The following SLC13A1 variants were observed in gnomAD, a reference collection of about 807,000 sequenced individuals.
SLC13A1 encodes the protein solute carrier family 13 member 1, also known as Na(+)/sulfate cotransporter.
Under a neutral mutation model 70.0 loss-of-function variants are expected in SLC13A1, and 65 were observed. That is an observed-to-expected ratio of 0.93 (90% CI 0.76 to 1.14). SLC13A1 has a LOEUF of 1.14. Among genes scored for constraint, SLC13A1 ranks in the 50% most tolerant of loss-of-function variants. SLC13A1 has a pLI of 0.00. For synonymous variants in SLC13A1, 275 were observed against 250.5 expected (o/e 1.10, Z -0.92); for missense variants, 726 against 717.8 (o/e 1.01, Z -0.13).
intron 1 of SLC13A1, among the ~76,000 whole-genome samples, chr7:123,197,984 A>G (rs1403723223): frequency 2.6e-5 from 4 of 152,124 alleles, no homozygotes; most frequent in Non-Finnish European, 5.9e-5. Flanking sequence ...GTAATGACCT[A>G]AATTTGTCTT....
chr7:123,141,530 G>T (rs1386589738), intron 7 of SLC13A1, among the ~76,000 whole-genome samples: 1 of 151,920 alleles, frequency 6.6e-6, no homozygotes, highest in Non-Finnish European at 1.5e-5. Context: ...AGCTATTATT[G>T]TATTGAGGTC....
intron 6 of SLC13A1, among the ~76,000 whole-genome samples, chr7:123,156,137 A>G (rs1437760001): frequency 1.3e-5 from 2 of 152,038 alleles, no homozygotes; most frequent in Non-Finnish European, 2.9e-5. Context: ...GGCTTTTTTC[A>G]TTACCGATTT....
intron 7 of SLC13A1, among the ~76,000 whole-genome samples, chr7:123,144,655 C>A (rs1794289274): frequency 6.6e-6 from 1 of 152,072 alleles, no homozygotes; most frequent in Non-Finnish European, 1.5e-5. Flanking sequence ...GGAGTACAAA[C>A]TTTATGTTTT....
chr7:123,178,033 C>CTCTCTCTCTATATATATATATATATA (rs761704605), intron 2 of SLC13A1, among the ~76,000 whole-genome samples: 1 of 149,958 alleles, frequency 6.7e-6, no homozygotes, highest in African/African-American at 2.5e-5. Flanking sequence ...CTCTCTCTCT[C>CTCTCTCTCTATATATATATATATATA]TATATATATA....
intron 8 of SLC13A1, among the ~76,000 whole-genome samples, chr7:123,130,225 A>G (rs1249964276): frequency 6.6e-6 from 1 of 152,192 alleles, no homozygotes. Context: ...TATATACCCA[A>G]AGGAATATAA....
At chr7:123,148,900 G>T (rs950985932) in intron 6 of SLC13A1, among the ~76,000 whole-genome samples, 2 of 152,086 alleles carry the variant, frequency 1.3e-5, no homozygotes, top group East Asian at 3.9e-4. Flanking sequence ...GGAGAGGAGT[G>T]GTAAGGATTA....
intron 1 of SLC13A1, among the ~76,000 whole-genome samples, chr7:123,199,414 G>C (rs1262054356): frequency 6.6e-6 from 1 of 152,060 alleles, no homozygotes; most frequent in African/African-American, 2.4e-5. Context: ...ACAGAGCTGA[G>C]AAGTAAATTA....
intron 8 of SLC13A1, among the ~76,000 whole-genome samples, chr7:123,130,870 C>A (rs762649359): frequency 6.6e-6 from 1 of 152,044 alleles, no homozygotes; most frequent in Non-Finnish European, 1.5e-5. Context: ...GTTTTAGTGA[C>A]CTCCTTCCTC....
At chr7:123,180,675 G>A (rs1043526867) in intron 2 of SLC13A1, among the ~76,000 whole-genome samples, 2 of 152,076 alleles carry the variant, frequency 1.3e-5, no homozygotes, top group Non-Finnish European at 2.9e-5. Flanking sequence ...GCTTATGGAG[G>A]ATGTCAACAA....
chr7:123,122,145 C>T (rs1176355482), intron 12 of SLC13A1, among the ~76,000 whole-genome samples: 1 of 152,044 alleles, frequency 6.6e-6, no homozygotes, highest in Non-Finnish European at 1.5e-5. Flanking sequence ...AGGATCCAAT[C>T]CAGACACATA....
intron 6 of SLC13A1, chr7:123,148,378 C>T (rs2116425592): frequency 2.8e-6 from 1 of 357,740 alleles, no homozygotes; most frequent in African/African-American, 2.2e-5. Flanking sequence ...AGTTCTCCAC[C>T]TCAGTCACCC....
intron 4 of SLC13A1, among the ~76,000 whole-genome samples, 177 bp downstream of exon 4, chr7:123,168,971 A>C (rs1016872790): frequency 1.3e-5 from 2 of 152,228 alleles, no homozygotes; most frequent in Non-Finnish European, 2.9e-5. Context: ...GTAACAATTT[A>C]GGTAAAATAT....
chr7:123,186,367 A>G (rs1325513944), intron 1 of SLC13A1, among the ~76,000 whole-genome samples: 1 of 152,066 alleles, frequency 6.6e-6, no homozygotes, highest in East Asian at 1.9e-4. Flanking sequence ...CTAAAAAGAG[A>G]TCCTAGATAT....
intron 7 of SLC13A1, among the ~76,000 whole-genome samples, chr7:123,136,129 G>A (rs1793941434): frequency 1.3e-5 from 2 of 152,116 alleles, no homozygotes; most frequent in Non-Finnish European, 2.9e-5. Flanking sequence ...ATGTCCTCAA[G>A]CCTAATTTCA....
Position 123,128,916 on chromosome 7 carries a change from G to A in SLC13A1, c.1062C>T (p.Phe354=). 1 of 1,613,370 alleles carries A rather than the reference G, an allele frequency of 6.2e-7. No homozygotes were observed. The highest frequency in any genetic ancestry group is 1.3e-5 in the African/African-American group (1 of 75,006). ...TAAACCATAGCAGAGCCATTATAATGAAGAGGACCAAGGTCACAATTTCTT... is the reference window on the plus strand; with the variant it reads ...TAAACCATAGCAGAGCCATTATAATAAAGAGGACCAAGGTCACAATTTCTT... ...RYQEIVTLVL[F]IIMALLWFSR... The change falls in exon 10 of 15, where the codon TTC becomes TTT. Residue 354 remains phenylalanine (F), a synonymous_variant. Coordinates refer to ENST00000194130, the MANE Select transcript of SLC13A1 (RefSeq NM_022444.4).
intron 1 of SLC13A1, among the ~76,000 whole-genome samples, chr7:123,197,723 G>T (rs1796230854): frequency 6.6e-6 from 1 of 152,092 alleles, no homozygotes; most frequent in Non-Finnish European, 1.5e-5. Context: ...ATGCAACTTG[G>T]TGCCAGACAC....
chr7:123,181,443 C>T (rs1421352096), intron 1 of SLC13A1, among the ~76,000 whole-genome samples: 1 of 152,158 alleles, frequency 6.6e-6, no homozygotes, highest in Non-Finnish European at 1.5e-5. Context: ...CTCCCCCATA[C>T]TTCCAGAGTA....
intron 6 of SLC13A1, among the ~76,000 whole-genome samples, chr7:123,167,478 A>G (rs1795114411): frequency 6.6e-6 from 1 of 152,102 alleles, no homozygotes; most frequent in Non-Finnish European, 1.5e-5. Context: ...TCTTTTTCCT[A>G]TTGAACTGCC....
intron 8 of SLC13A1, among the ~76,000 whole-genome samples, chr7:123,130,323 A>G (rs1449116390): frequency 6.6e-6 from 1 of 152,222 alleles, no homozygotes; most frequent in Admixed American, 6.5e-5. Context: ...CCAAATTCCC[A>G]TCAATGATAG....
Sources: gnomAD v4.1 joint callset for allele counts (sites outside exome capture counted in the v4.1 genomes callset) on GRCh38, gnomAD v4.1.1 for gene constraint, MANE v1.5 for transcripts, NCBI Gene and HGNC (gene_info 2026-07-23, HGNC 2026-07-21) for gene names.